GRM8: variants seen among roughly 807,000 people sequenced by gnomAD.
GRM8 encodes the protein metabotropic glutamate receptor 8.
Under a neutral mutation model 87.2 loss-of-function variants are expected in GRM8, and 47 were observed. The observed-to-expected ratio is 0.54, with a 90% CI of 0.43 to 0.69. The LOEUF is 0.69. Among genes scored for constraint, GRM8 ranks in the 30% least tolerant of loss-of-function variants. GRM8 has a pLI of 0.00. For synonymous variants in GRM8, 396 were observed against 404.5 expected (o/e 0.98, Z 0.25); for missense variants, 1,019 against 1,139.2 (o/e 0.89, Z 1.52).
chr7:127,017,819 T>C (rs1031349257), intron 3 of GRM8, among the ~76,000 whole-genome samples: 29 of 151,664 alleles, frequency 1.9e-4, no homozygotes, highest in African/African-American at 7.0e-4. Context: ...GAAATATAAA[T>C]GAATGGATGA....
intron 2 of GRM8, among the ~76,000 whole-genome samples, chr7:127,181,247 G>C (rs1351735502): frequency 6.6e-6 from 1 of 151,862 alleles, no homozygotes. Flanking sequence ...TTTTACAATA[G>C]CTGCAAAAAA....
chr7:126,533,893 G>A lies in GRM8; in HGVS notation c.1495-6C>T, dbSNP rs757167157. 6.3e-7 allele frequency: 1 copy of A among 1,595,924 alleles called. No homozygotes were observed. Among genetic ancestry groups the A allele is most frequent in the East Asian group, 2.2e-5 (1 of 44,728 alleles). ...GCCCACTGCATGTCTTCCACCTGTG[G>A]GTATAAAAAATTAATGAGCCTTCCA... On this transcript the variant is annotated splice_region_variant and splice_polypyrimidine_tract_variant and intron_variant, in intron 8 of 10. Coordinates refer to ENST00000339582, the MANE Select transcript of GRM8 (RefSeq NM_000845.3).
chr7:127,021,849 C>A lies in GRM8; in HGVS notation c.727+84647G>T, dbSNP rs1321086016. Among the ~76,000 whole-genome samples the A allele has an allele frequency of 2.0e-5, 3 of 152,068 alleles. No individual in the cohort carries two copies. The East Asian group carries it at 5.8e-4, about 29-fold the overall frequency. On this transcript the variant is annotated intron_variant, in intron 3 of 10. Transcript: ENST00000339582. ...GATTAGATTCAGATTAGAAAGGATA[C>A]TAGAAAATACAATGAAAAGATATGT...
At chr7:126,856,929 A>G (rs74430504) in intron 6 of GRM8, among the ~76,000 whole-genome samples, 14,322 of 152,290 alleles carry the variant, frequency 0.094, 1,067 homozygotes, top group Non-Finnish European at 0.13. Context: ...GGGAATTAGC[A>G]TACCTTTCTT....
chr7:126,441,228 C>G (rs1801436325), intron 10 of GRM8, among the ~76,000 whole-genome samples: 1 of 151,742 alleles, frequency 6.6e-6, no homozygotes, highest in Admixed American at 6.6e-5. Context: ...ATGTGAATTG[C>G]CAATGCATAT....
intron 2 of GRM8, among the ~76,000 whole-genome samples, chr7:127,148,497 T>C (rs1828670146): frequency 6.6e-6 from 1 of 151,936 alleles, no homozygotes; most frequent in Non-Finnish European, 1.5e-5. Flanking sequence ...GACAAAAATT[T>C]CTGTCCAACA....
chr7:126,537,661 T>C (rs997523080), intron 8 of GRM8, among the ~76,000 whole-genome samples: 1 of 151,818 alleles, frequency 6.6e-6, no homozygotes, highest in African/African-American at 2.4e-5. Context: ...CCTGTAGTCC[T>C]AGCTACTTGG....
chr7:126,661,297 C>A (rs191029826), intron 7 of GRM8, among the ~76,000 whole-genome samples: 20,049 of 145,870 alleles, frequency 0.14, 1,753 homozygotes, highest in Non-Finnish European at 0.17. Context: ...AGTATATATA[C>A]CTACAATATA....
intron 3 of GRM8, among the ~76,000 whole-genome samples, chr7:126,923,221 G>T (rs185364352): frequency 6.6e-6 from 1 of 152,078 alleles, no homozygotes; most frequent in African/African-American, 2.4e-5. Flanking sequence ...TGGCATAATA[G>T]GTGCTTGTTT....
At chr7:126,947,814 G>A (rs1363607113) in intron 3 of GRM8, among the ~76,000 whole-genome samples, 1 of 152,118 alleles carries the variant, frequency 6.6e-6, no homozygotes, top group Non-Finnish European at 1.5e-5. Context: ...CCAGAAGCAA[G>A]CTGAAAAGTA....
chr7:127,235,903 T>G (rs985172211), intron 2 of GRM8, among the ~76,000 whole-genome samples: 1 of 152,246 alleles, frequency 6.6e-6, no homozygotes, highest in Non-Finnish European at 1.5e-5. Context: ...ACATATCTGT[T>G]AATAAAATCA....
At chr7:126,599,446 AT>A (rs879326448) in intron 8 of GRM8, among the ~76,000 whole-genome samples, 37 of 152,050 alleles carry the variant, frequency 2.4e-4, no homozygotes, top group Non-Finnish European at 4.4e-4. Context: ...AGTGCTTTAA[AT>A]TTTTGGTTTA....
intron 8 of GRM8, among the ~76,000 whole-genome samples, chr7:126,577,471 A>G (rs1259017350): frequency 6.6e-6 from 1 of 152,140 alleles, no homozygotes; most frequent in Admixed American, 6.6e-5. Flanking sequence ...ATAATATTTC[A>G]AGGACAACGA....
chr7:126,533,891 T>G lies in GRM8; in HGVS notation c.1495-4A>C. ...GAGCCCACTGCATGTCTTCCACCTG[T>G]GGGTATAAAAAATTAATGAGCCTTC... On this transcript the variant is annotated splice_region_variant and splice_polypyrimidine_tract_variant and intron_variant, in intron 8 of 10. Transcript: ENST00000339582. 6.3e-7 allele frequency: 1 copy of G among 1,599,560 alleles called. No homozygotes were observed. The highest frequency in any genetic ancestry group is 8.5e-7 in the Non-Finnish European group (1 of 1,172,642).
intron 7 of GRM8, among the ~76,000 whole-genome samples, chr7:126,647,131 C>T (rs1173682106): frequency 2.6e-5 from 4 of 152,052 alleles, no homozygotes; most frequent in South Asian, 2.1e-4. Flanking sequence ...GTGGTGCATG[C>T]GTGCAGTCCC....
chr7:127,212,084 C>G (rs542987265), intron 2 of GRM8, among the ~76,000 whole-genome samples: 1 of 152,164 alleles, frequency 6.6e-6, no homozygotes, highest in African/African-American at 2.4e-5. Context: ...AGTCACACCC[C>G]TATTTTTGGA....
At chr7:126,660,904 A>AG (rs34739943) in intron 7 of GRM8, among the ~76,000 whole-genome samples, 30,711 of 152,140 alleles carry the variant, frequency 0.2, 3,272 homozygotes, top group African/African-American at 0.23. Flanking sequence ...TGTCCAGTAA[A>AG]GTATAAATGT....
At chr7:126,798,165 ATT>A (rs5887309) in intron 6 of GRM8, among the ~76,000 whole-genome samples, 8 of 150,670 alleles carry the variant, frequency 5.3e-5, no homozygotes, top group East Asian at 2.0e-4. Context: ...ACCTTAGAGC[ATT>A]TTTTTTTTCC....
At chr7:126,865,944 C>G (rs974443794) in intron 6 of GRM8, among the ~76,000 whole-genome samples, 12 of 152,296 alleles carry the variant, frequency 7.9e-5, no homozygotes, top group African/African-American at 2.9e-4. Flanking sequence ...AGGTACACAG[C>G]TAAGAGTAGA....
Sources: gnomAD v4.1 joint callset for allele counts (sites outside exome capture counted in the v4.1 genomes callset) on GRCh38, gnomAD v4.1.1 for gene constraint, MANE v1.5 for transcripts, NCBI Gene and HGNC (gene_info 2026-07-23, HGNC 2026-07-21) for gene names.